Variants in JAKMIP3 observed in about 807,000 individuals in gnomAD.
The protein encoded by JAKMIP3 is Janus kinase and microtubule interacting protein 3.
In JAKMIP3, 58 loss-of-function variants were observed where a neutral mutation model predicts 118.5. The observed-to-expected ratio is 0.49, with a 90% CI of 0.40 to 0.61. The LOEUF (loss-of-function observed/expected upper bound fraction) is 0.61, where lower values mean the gene tolerates loss of function less well. JAKMIP3 is among the 20% of genes least tolerant of loss of function. The pLI, the probability that JAKMIP3 is intolerant of heterozygous loss-of-function variation, is 0.00. For missense variants in JAKMIP3, 950 were observed against 1,109.0 expected, an observed-to-expected ratio of 0.86 and a Z score of 2.04; for synonymous variants, 486 against 451.2, an observed-to-expected ratio of 1.08 and a Z score of -0.98.
At chr10:132,180,706 T>TGCGC (rs1296789765) in intron 23 of JAKMIP3, among the ~76,000 whole-genome samples, 3 of 25,912 alleles carry the variant, frequency 1.2e-4, no homozygotes, top group African/African-American at 6.8e-4. Flanking sequence ...CGTGTGTGTG[T>TGCGC]GCGCGTGTGT....
In JAKMIP3 at chr10:132,167,000, A is replaced by G. The variant is rs2136683775; in HGVS notation, c.2508A>G (p.Leu836=). 6.5e-7 allele frequency: 1 copy of G among 1,546,164 alleles called. No homozygotes were observed. ...ELEEKFLFLF[L]FFSLAFILWS is the part of the protein sequence containing the mutation. ...CGTTTCAGTTTCTATTTTTGTTCTTATTTTTCTCCTTAGCTTTCATTCTCT... is the reference window on the plus strand; with the variant it reads ...CGTTTCAGTTTCTATTTTTGTTCTTGTTTTTCTCCTTAGCTTTCATTCTCT... The change falls in exon 22 of 24, where the codon TTA becomes TTG. Residue 836 remains leucine, a synonymous_variant. Coordinates refer to ENST00000684848, the MANE Select transcript of JAKMIP3 (RefSeq NM_001323087.2).
At chr10:132,105,469 A>G (rs1007269695) in intron 2 of JAKMIP3, among the ~76,000 whole-genome samples, 66 of 149,194 alleles carry the variant, frequency 4.4e-4, no homozygotes, top group Admixed American at 7.5e-4. Context: ...CTCTGGCTGG[A>G]TGCCCAGCAC....
intron 1 of JAKMIP3, among the ~76,000 whole-genome samples, chr10:132,100,217 C>T (rs1016624583): frequency 1.5e-4 from 23 of 152,196 alleles, no homozygotes; most frequent in Non-Finnish European, 2.6e-4. Context: ...CAGACCCGCT[C>T]CCACCCCGTT....
Position 132,047,786 on chromosome 10 carries a change from C to G in JAKMIP3, c.-138+11048C>G, listed in dbSNP as rs534340000. Among the ~76,000 whole-genome samples the G allele has an allele frequency of 4.5e-3, 674 of 151,334 alleles. 3 individuals are homozygous for G. The highest frequency in any genetic ancestry group is 0.016 in the African/African-American group (643 of 41,162). ...TGTTCCCCACCCCACGCCCCGCCCTCTGCGAGCTGAGTGTCCCCTCATGGA... is the reference window on the plus strand; with the variant it reads ...TGTTCCCCACCCCACGCCCCGCCCTGTGCGAGCTGAGTGTCCCCTCATGGA... On this transcript the variant is annotated intron_variant, in intron 1 of 23. Transcript: ENST00000657785.
intron 16 of JAKMIP3, among the ~76,000 whole-genome samples, chr10:132,150,433 C>T (rs1196020189): frequency 1.3e-5 from 2 of 152,196 alleles, no homozygotes; most frequent in Non-Finnish European, 2.9e-5. Flanking sequence ...TCATTTGGGG[C>T]AGAGTTCCAA....
chr10:132,051,893 C>T (rs2038115793), intron 1 of JAKMIP3, among the ~76,000 whole-genome samples: 1 of 152,232 alleles, frequency 6.6e-6, no homozygotes, highest in South Asian at 2.1e-4. Flanking sequence ...CAGGTGTTAG[C>T]CACCACGCTT....
upstream of JAKMIP3, among the ~76,000 whole-genome samples, chr10:132,060,096 G>A (rs1446096972): frequency 6.6e-6 from 1 of 152,172 alleles, no homozygotes. Flanking sequence ...TTGGACCCTC[G>A]ATGCACTGAG....
At chr10:132,058,464 G>C (rs2038306004) in intron 1 of JAKMIP3, among the ~76,000 whole-genome samples, 1 of 152,228 alleles carries the variant, frequency 6.6e-6, no homozygotes. Context: ...GGAGGAGCCT[G>C]TCCTCCCCAC....
intron 22 of JAKMIP3, 60 bp from the exon 23 acceptor site, chr10:132,167,893 C>CG (rs2136717175): frequency 8.0e-7 from 1 of 1,246,130 alleles, no homozygotes; most frequent in East Asian, 5.6e-5. Flanking sequence ...CGGCCCTCGC[C>CG]CCTCACTCCA....
chr10:132,125,434 C>T (rs1054190725), intron 3 of JAKMIP3, among the ~76,000 whole-genome samples: 1 of 152,258 alleles, frequency 6.6e-6, no homozygotes, highest in Non-Finnish European at 1.5e-5. Context: ...TCTGGTGCTC[C>T]GCCTTGCGGC....
chr10:132,180,657 G>GCGTGTC (rs2060979425), intron 23 of JAKMIP3, among the ~76,000 whole-genome samples: 1 of 25,850 alleles, frequency 3.9e-5, no homozygotes, highest in South Asian at 1.6e-3. Context: ...GTGTGCGTGT[G>GCGTGTC]CGTGTGTGCG....
In JAKMIP3 at chr10:132,149,554, T is replaced by TCCCCCGCCACACCCCCTCCCTG; in HGVS notation, c.1947+52_1947+53insACACCCCCTCCCTGCCCCCGCC. On this transcript the variant is annotated intron_variant, in intron 15 of 23. Transcript: ENST00000684848. Reference sequence around the variant, plus strand: ...GCCCACTCCGCCCCCACCTCACCCATCCCCCGCCCCACCCCCTCTCCGCCC... The same window carrying TCCCCCGCCACACCCCCTCCCTG: ...GCCCACTCCGCCCCCACCTCACCCATCCCCCGCCACACCCCCTCCCTGCCCCCGCCCCACCCCCTCTCCGCCC... 1.3e-5 allele frequency: 7 copies of TCCCCCGCCACACCCCCTCCCTG among 530,844 alleles called. 1 individual carries two copies. The highest frequency in any genetic ancestry group is 1.5e-5 in the Non-Finnish European group (6 of 395,930). 32.9% of individuals were successfully genotyped at this position (530,844 alleles called of 1,614,324 possible).
intron 23 of JAKMIP3, among the ~76,000 whole-genome samples, chr10:132,171,095 G>A (rs2059442185): frequency 6.6e-6 from 1 of 152,232 alleles, no homozygotes; most frequent in African/African-American, 2.4e-5. Context: ...AGTCAAGTGA[G>A]GAGAGGAGAG....
rs370276340 is a variant in JAKMIP3, at chr10:132,160,078, T to TG, written c.2221-3124dup. Among the ~76,000 whole-genome samples, 5 of 1,724 alleles carry TG rather than the reference T, an allele frequency of 2.9e-3. 1 individual carries two copies. Among genetic ancestry groups the TG allele is most frequent in the Admixed American group, 7.6e-3 (1 of 132 alleles). 1.1% of individuals were successfully genotyped at this position (1,724 alleles called of 152,430 possible). On this transcript the variant is annotated intron_variant, in intron 19 of 23. Coordinates refer to ENST00000684848, the MANE Select transcript of JAKMIP3 (RefSeq NM_001323087.2). ...GCGGTGGCCTCTTCCTGTGTGATGCTGGGGGGGTCTCTTCCTGTGTGATGC... is the reference window on the plus strand; with the variant it reads ...GCGGTGGCCTCTTCCTGTGTGATGCTGGGGGGGGTCTCTTCCTGTGTGATGC...
intron 11 of JAKMIP3, 46 bp from the exon 12 acceptor site, chr10:132,145,061 C>T: frequency 6.5e-7 from 1 of 1,541,180 alleles, no homozygotes. Flanking sequence ...GCTGTCTGTC[C>T]CAGCTTTTAG....
intron 5 of JAKMIP3, among the ~76,000 whole-genome samples, chr10:132,135,662 C>T (rs780574483): frequency 5.3e-5 from 8 of 152,220 alleles, no homozygotes; most frequent in Non-Finnish European, 1.0e-4. Context: ...CCGGGGACGC[C>T]GAGCCCAGCC....
intron 1 of JAKMIP3, among the ~76,000 whole-genome samples, chr10:132,071,931 C>CCTTCCTTCCTTTCTTTCCTTTT: frequency 6.8e-6 from 1 of 146,160 alleles, no homozygotes; most frequent in African/African-American, 2.5e-5. Flanking sequence ...TCCTTCCTTT[C>CCTTCCTTCCTTTCTTTCCTTTT]TTTCCTTTTT....
At chr10:132,111,766 T>A (rs1434384495) in intron 2 of JAKMIP3, among the ~76,000 whole-genome samples, 1 of 152,144 alleles carries the variant, frequency 6.6e-6, no homozygotes, top group Non-Finnish European at 1.5e-5. Context: ...ATTTGCATAT[T>A]ATATATTATA....
intron 16 of JAKMIP3, among the ~76,000 whole-genome samples, chr10:132,151,496 T>C (rs1479291154): frequency 6.6e-6 from 1 of 152,086 alleles, no homozygotes; most frequent in East Asian, 1.9e-4. Flanking sequence ...GGCTCCACTG[T>C]GGTCATAGGT....
Sources: gnomAD v4.1 joint callset for allele counts (sites outside exome capture counted in the v4.1 genomes callset) on GRCh38, gnomAD v4.1.1 for gene constraint, MANE v1.5 for transcripts, NCBI Gene and HGNC (gene_info 2026-07-23, HGNC 2026-07-21) for gene names.